The following CLOCK variants were observed in gnomAD, a reference collection of about 807,000 sequenced individuals.
CLOCK encodes clock circadian regulator.
In CLOCK, 43 loss-of-function variants were observed where a neutral mutation model predicts 118.4. That is an observed-to-expected ratio of 0.36 (90% CI 0.28 to 0.47). The LOEUF is 0.47. Among genes scored for constraint, CLOCK ranks in the 20% least tolerant of loss-of-function variants. The pLI is 1.00. For synonymous variants in CLOCK, 326 were observed against 339.2 expected (o/e 0.96, Z 0.43); for missense variants, 846 against 999.9 (o/e 0.85, Z 2.08).
intron 1 of CLOCK, among the ~76,000 whole-genome samples, chr4:55,524,312 T>G (rs529706336): frequency 6.6e-6 from 1 of 151,988 alleles, no homozygotes; most frequent in South Asian, 2.1e-4. Flanking sequence ...TGAGGCAGAA[T>G]TGCTTGAGCC....
intron 1 of CLOCK, among the ~76,000 whole-genome samples, chr4:55,511,967 T>A (rs1282684960): frequency 2.0e-5 from 3 of 151,892 alleles, no homozygotes; most frequent in Non-Finnish European, 4.4e-5. Flanking sequence ...GAATGATATA[T>A]TCCATTGTCT....
At chr4:55,523,022 G>A (rs1343049377) in intron 1 of CLOCK, among the ~76,000 whole-genome samples, 11 of 152,166 alleles carry the variant, frequency 7.2e-5, no homozygotes, top group Non-Finnish European at 1.2e-4. Flanking sequence ...CAGGCTGGGC[G>A]CAGTGGCTCA....
chr4:55,532,087 T>C (rs937049867), intron 1 of CLOCK, among the ~76,000 whole-genome samples: 4 of 152,150 alleles, frequency 2.6e-5, no homozygotes, highest in East Asian at 3.9e-4. Context: ...ATGATTCCAA[T>C]TGACGAACAA....
chr4:55,449,993 A>T, intron 16 of CLOCK, 98 bp downstream of exon 16: 2 of 1,409,086 alleles, frequency 1.4e-6, no homozygotes, highest in Non-Finnish European at 2.0e-6. Flanking sequence ...AAAAACTTAT[A>T]ATTTTAAAGA....
intron 1 of CLOCK, among the ~76,000 whole-genome samples, chr4:55,531,703 CAAAAAAAAAAAAAAAAAA>C (rs373796432): frequency 2.4e-5 from 1 of 41,248 alleles, no homozygotes; most frequent in Non-Finnish European, 4.2e-5. Context: ...GACTTCGTCT[CAAAAAAAAAAAAAAAAAA>C]AAAAAAAAAA....
At chr4:55,468,729 T>C (rs1206561390) in intron 8 of CLOCK, among the ~76,000 whole-genome samples, 2 of 152,208 alleles carry the variant, frequency 1.3e-5, no homozygotes, top group Admixed American at 6.5e-5. Context: ...TTCAACAGGC[T>C]GATTAAAATG....
intron 8 of CLOCK, among the ~76,000 whole-genome samples, chr4:55,470,007 T>TA (rs957749577): frequency 4.6e-5 from 7 of 151,934 alleles, no homozygotes; most frequent in South Asian, 2.1e-4. Flanking sequence ...GTAAAAAAGT[T>TA]AAAAAAAAAT....
intron 2 of CLOCK, among the ~76,000 whole-genome samples, chr4:55,507,139 C>G (rs188706525): frequency 2.0e-5 from 3 of 152,088 alleles, no homozygotes; most frequent in East Asian, 3.9e-4. Context: ...CATAGTGAAA[C>G]CTCATCTCTA....
Position 55,433,154 on chromosome 4 carries a change from C to G in CLOCK, c.*2261G>C, listed in dbSNP as rs1722633567. On this transcript the variant is annotated 3_prime_UTR_variant, in exon 23 of 23. Coordinates refer to ENST00000513440, the MANE Select transcript of CLOCK (RefSeq NM_004898.4). Reference sequence around the variant, plus strand: ...AATTTGAAAGGGGAGAAGAACAATGCTATTGCCATATTCCACAACATCCCC... The same window carrying G: ...AATTTGAAAGGGGAGAAGAACAATGGTATTGCCATATTCCACAACATCCCC... The G allele has an allele frequency of 6.6e-6, 1 of 152,628 alleles. No individual in the cohort carries two copies. Among genetic ancestry groups the G allele is most frequent in the Non-Finnish European group, 1.5e-5 (1 of 68,040 alleles). 9.5% of individuals were successfully genotyped at this position (152,628 alleles called of 1,614,324 possible).
chr4:55,470,447 T>A (rs1464583521), intron 8 of CLOCK, among the ~76,000 whole-genome samples: 1 of 152,194 alleles, frequency 6.6e-6, no homozygotes, highest in Non-Finnish European at 1.5e-5. Context: ...TTTATAAGTA[T>A]ACTCTATGAT....
intron 1 of CLOCK, among the ~76,000 whole-genome samples, chr4:55,524,217 C>G (rs1030074710): frequency 6.6e-6 from 1 of 151,760 alleles, no homozygotes; most frequent in African/African-American, 2.4e-5. Flanking sequence ...CAGCAAAACC[C>G]GTCTCTACTA....
intron 2 of CLOCK, among the ~76,000 whole-genome samples, chr4:55,494,400 A>C (rs974310916): frequency 3.9e-5 from 6 of 152,168 alleles, no homozygotes; most frequent in South Asian, 2.1e-4. Flanking sequence ...GGATCTTGAG[A>C]TGTGGAGATT....
chr4:55,448,692 C>CA (rs1724153766), intron 18 of CLOCK, 87 bp downstream of exon 18: 3 of 1,022,642 alleles, frequency 2.9e-6, no homozygotes, highest in Middle Eastern at 2.2e-4. Context: ...TGCTTGCCAG[C>CA]AAGCCTGGAT....
chr4:55,506,910 T>C (rs1474880203), intron 2 of CLOCK, among the ~76,000 whole-genome samples: 1 of 152,198 alleles, frequency 6.6e-6, no homozygotes, highest in Admixed American at 6.5e-5. Flanking sequence ...TCCAGGTTTC[T>C]TTGAGATCAG....
intron 2 of CLOCK, among the ~76,000 whole-genome samples, chr4:55,508,070 C>A (rs1728921194): frequency 6.6e-6 from 1 of 152,206 alleles, no homozygotes; most frequent in African/African-American, 2.4e-5. Context: ...GGTCTTCTAT[C>A]TCCTAATATA....
chr4:55,456,275 T>C lies in CLOCK; in HGVS notation c.818A>G (p.Asn273Ser), dbSNP rs375631094. 2.9e-5 allele frequency: 46 copies of C among 1,601,124 alleles called. No homozygotes were observed. The highest frequency in any genetic ancestry group is 3.8e-5 in the Non-Finnish European group (44 of 1,170,322). Reference protein sequence around the residue: ...IKEMCTVEEPNEEFTSRHSLE... With the variant: ...IKEMCTVEEPSEEFTSRHSLE... Reference sequence around the variant, plus strand: ...ACTATGTCTAGATGTAAACTCTTCATTGGGTTCTTCAACAGTGCACATTTC... The same window carrying C: ...ACTATGTCTAGATGTAAACTCTTCACTGGGTTCTTCAACAGTGCACATTTC... Residue 273 changes from asparagine (N) to serine (S), a missense_variant, in exon 12 of 23, where the codon AAT (asparagine) becomes AGT (serine). Physicochemically the swap from Asn to Ser is conservative, Grantham distance 46 (BLOSUM62 1). Coordinates refer to ENST00000513440, the MANE Select transcript of CLOCK (RefSeq NM_004898.4).
rs1056693794 is a variant in CLOCK at position 55,435,067 on chromosome 4, T to C, written c.*348A>G. ...CACTTGATAAGAGGCACAGAACCAC[T>C]AAAAGTTACTAACATCATTAGTGCC... On this transcript the variant is annotated 3_prime_UTR_variant, in exon 23 of 23. Coordinates refer to ENST00000513440, the MANE Select transcript of CLOCK (RefSeq NM_004898.4). 8.8e-6 allele frequency: 3 copies of C among 341,118 alleles called. No homozygotes were observed. Among genetic ancestry groups the C allele is most frequent in the African/African-American group, 6.4e-5 (3 of 46,846 alleles). The allele number at this position is 341,118 out of a possible 1,614,324, so 21.1% of individuals were successfully genotyped here. A position where few individuals can be genotyped will look rare whatever the true frequency, so the allele number is the denominator to read the frequency against.
At chr4:55,484,897 A>G (rs1276716528) in intron 3 of CLOCK, among the ~76,000 whole-genome samples, 1 of 152,138 alleles carries the variant, frequency 6.6e-6, no homozygotes, top group Non-Finnish European at 1.5e-5. Context: ...CTGTTTTACT[A>G]TTGTTGTTAA....
intron 1 of CLOCK, among the ~76,000 whole-genome samples, chr4:55,512,965 G>A (rs1411766824): frequency 6.6e-6 from 1 of 152,104 alleles, no homozygotes; most frequent in East Asian, 1.9e-4. Context: ...CTATTGTCTA[G>A]TGACTTTATA....
Sources: allele counts gnomAD v4.1 joint callset (sites outside exome capture counted in the v4.1 genomes callset), GRCh38; gene constraint gnomAD v4.1.1; transcripts MANE v1.5; gene names NCBI Gene and HGNC (gene_info 2026-07-23, HGNC 2026-07-21).